The following CD163 variants were observed in gnomAD, a reference collection of about 807,000 sequenced individuals.
The protein encoded by CD163 is CD163 molecule, also known as scavenger receptor cysteine-rich type 1 protein M130.
CD163 carries 64 observed loss-of-function variants against 129.2 expected under a neutral mutation model. The ratio of observed to expected loss-of-function variants is 0.50; its 90% CI spans 0.41 to 0.61. The LOEUF is 0.61. Among genes scored for constraint, CD163 ranks in the 20% least tolerant of loss-of-function variants. CD163 has a pLI of 0.00. For synonymous variants in CD163, 446 were observed against 478.5 expected (o/e 0.93, Z 0.89); for missense variants, 1,061 against 1,377.9 (o/e 0.77, Z 3.64).
intron 6 of CD163, among the ~76,000 whole-genome samples, chr12:7,489,173 G>A (rs943496506): frequency 6.6e-6 from 1 of 152,110 alleles, no homozygotes; most frequent in Admixed American, 6.6e-5. Flanking sequence ...AGCCTAGAAT[G>A]TTGACTTTCA....
rs187879118 is a variant in CD163, at chr12:7,481,312, C to T, written c.3248-56G>A. On this transcript the variant is annotated intron_variant, in intron 14 of 16. Coordinates refer to ENST00000432237, the MANE Select transcript of CD163 (RefSeq NM_203416.4). ...AGCTATCATAATAAAATTTCCCTTGCTGTAAGTGTGTTTTTTCCAAGCGCT... is the reference window on the plus strand; with the variant it reads ...AGCTATCATAATAAAATTTCCCTTGTTGTAAGTGTGTTTTTTCCAAGCGCT... 108 of 1,387,058 alleles carry T rather than the reference C, an allele frequency of 7.8e-5. 1 individual carries two copies. The highest frequency in any genetic ancestry group is 7.8e-4 in the Admixed American group (46 of 59,294). 85.9% of individuals were successfully genotyped at this position (1,387,058 alleles called of 1,614,324 possible). A position where few individuals can be genotyped will look rare whatever the true frequency, so the allele number is the denominator to read the frequency against.
At chr12:7,475,400 T>C (rs909331502) in intron 16 of CD163, among the ~76,000 whole-genome samples, 1 of 152,166 alleles carries the variant, frequency 6.6e-6, no homozygotes, top group Non-Finnish European at 1.5e-5. Flanking sequence ...CACAATCAAG[T>C]TGGCATCATC....
intron 16 of CD163, chr12:7,471,893 A>G (rs1949010784): frequency 6.6e-6 from 1 of 152,264 alleles, no homozygotes; most frequent in Non-Finnish European, 1.5e-5. Context: ...AACTCGGACA[A>G]TCAAGCTTGG....
chr12:7,496,384 T>C lies in CD163; in HGVS notation c.1099+429A>G, dbSNP rs1230912966. Among the ~76,000 whole-genome samples the C allele has an allele frequency of 6.6e-6, 1 of 151,880 alleles. No individual in the cohort carries two copies. Among genetic ancestry groups the C allele is most frequent in the Non-Finnish European group, 1.5e-5 (1 of 67,962 alleles). On this transcript the variant is annotated intron_variant, in intron 5 of 16. Coordinates refer to ENST00000432237, the MANE Select transcript of CD163 (RefSeq NM_203416.4). The surrounding 1 kb of genome is among the most constrained non-coding windows in gnomAD (Gnocchi z 4.8). ...GGACAAATACCTAATGCATGGGGGG[T>C]TAAAACCTAGATGACAGGTTGATAC...
chr12:7,476,297 A>T (rs753823491), intron 16 of CD163, among the ~76,000 whole-genome samples: 1 of 152,348 alleles, frequency 6.6e-6, no homozygotes, highest in Non-Finnish European at 1.5e-5. Context: ...CTAAGCAAAA[A>T]GAACAGAGCT....
At chr12:7,492,141 A>G (rs1949334589) in intron 6 of CD163, among the ~76,000 whole-genome samples, 1 of 152,160 alleles carries the variant, frequency 6.6e-6, no homozygotes, top group Non-Finnish European at 1.5e-5. Context: ...AAAACATGTA[A>G]AAAGCTAAAA....
In CD163 at chr12:7,481,836, G is replaced by A. The variant is rs779768727; in HGVS notation, c.3248-580C>T. On this transcript the variant is annotated intron_variant, in intron 14 of 16. Transcript: ENST00000432237. ...CCTCACACTCAACTTTTCTCCCCCC[G>A]CCCCTCAGGAAAAAAACAAGAAATG... is the stretch of plus-strand genomic sequence containing the variant. 4.7e-5 allele frequency among the ~76,000 whole-genome samples: 7 copies of A among 150,002 alleles called. No individual in the cohort carries two copies. In the East Asian group the frequency reaches 1.2e-3, roughly 25 times the overall value.
At chr12:7,490,189 A>C (rs7953031) in intron 6 of CD163, among the ~76,000 whole-genome samples, 128,909 of 151,858 alleles carry the variant, frequency 0.85, 56,611 homozygotes, top group Non-Finnish European at 0.97. Context: ...GGAGAGAATA[A>C]CATAGATCTA....
chr12:7,502,388 T>C (rs1015475472), intron 2 of CD163, 90 bp downstream of exon 2: 7 of 797,398 alleles, frequency 8.8e-6, no homozygotes, highest in Middle Eastern at 2.2e-4. Context: ...AGTTTTTAGA[T>C]GCTACTTGGC....
chr12:7,492,560 A>G (rs1010590942), intron 6 of CD163, among the ~76,000 whole-genome samples: 2 of 152,136 alleles, frequency 1.3e-5, no homozygotes, highest in African/African-American at 4.8e-5. Context: ...TGCAGAATTT[A>G]TTGGGCAAAG....
rs766299368 is a variant in CD163, at chr12:7,470,921, T to C, written c.*508A>G. 19 of 152,294 alleles carry C rather than the reference T, an allele frequency of 1.2e-4. No individual in the cohort carries two copies. The highest frequency in any genetic ancestry group is 5.8e-4 in the East Asian group (3 of 5,186). The allele number at this position is 152,294 out of a possible 1,614,324, so 9.4% of individuals were successfully genotyped here. Reference sequence around the variant, plus strand: ...GAGTCATGCCTTATAAAGTTAGCCATATATTATTTACAGACCCTTCAATAT... The same window carrying C: ...GAGTCATGCCTTATAAAGTTAGCCACATATTATTTACAGACCCTTCAATAT... On this transcript the variant is annotated 3_prime_UTR_variant, in exon 17 of 17. Transcript: ENST00000432237.
rs1262820481 is a variant in CD163 at position 7,485,549 on chromosome 12, T to C, written c.2459-133A>G. ...AATATGTCAGTTACTAATAATTCGT[T>C]AGTAACTTCTGGATGATTTCATAGA... On this transcript the variant is annotated intron_variant, in intron 10 of 16. Coordinates refer to ENST00000432237, the MANE Select transcript of CD163 (RefSeq NM_203416.4). This position sits in a 1 kb window ranked among gnomAD's most constrained non-coding sequence, Gnocchi z 4.5. 1 of 501,890 alleles carries C rather than the reference T, an allele frequency of 2.0e-6. No individual in the cohort carries two copies. The highest frequency in any genetic ancestry group is 1.9e-5 in the African/African-American group (1 of 51,594). The allele number at this position is 501,890 out of a possible 1,614,324, so 31.1% of individuals were successfully genotyped here. A position where few individuals can be genotyped will look rare whatever the true frequency, so the allele number is the denominator to read the frequency against.
intron 16 of CD163, among the ~76,000 whole-genome samples, chr12:7,476,256 C>A (rs1949085674): frequency 6.6e-6 from 1 of 152,008 alleles, no homozygotes; most frequent in Non-Finnish European, 1.5e-5. Flanking sequence ...TGATATGGAA[C>A]AAAAATAGAG....
chr12:7,496,916 G>A lies in CD163; in HGVS notation c.996C>T (p.Ser332=). Residue 332 remains serine (S), a synonymous_variant, in exon 5 of 17, where the codon AGC becomes AGT. Coordinates refer to ENST00000432237, the MANE Select transcript of CD163 (RefSeq NM_203416.4). This position sits in a 1 kb window ranked among gnomAD's most constrained non-coding sequence, Gnocchi z 4.8. ...SKGFGHIWLD[S]VSCQGHEPAI... is the part of the protein sequence containing the mutation. ...CAGGTTCATGTCCCTGGCAAGAAAC[G>A]CTGTCAAGCCAGATGTGTCCAAATC... 1.9e-6 allele frequency: 3 copies of A among 1,614,016 alleles called. No individual in the cohort carries two copies. Among genetic ancestry groups the A allele is most frequent in the Non-Finnish European group, 2.5e-6 (3 of 1,179,916 alleles).
chr12:7,476,693 T>G lies in CD163; in HGVS notation c.*31+3167A>C, dbSNP rs1223610202. 5.9e-5 allele frequency among the ~76,000 whole-genome samples: 9 copies of G among 152,264 alleles called. No individual in the cohort carries two copies. In the South Asian group the frequency reaches 1.4e-3, roughly 25 times the overall value. On this transcript the variant is annotated intron_variant, in intron 16 of 16. Transcript: ENST00000432237. ...TAGGCATGGGCAAAGACTTCATAAC[T>G]AAAACACCAAAAGCAATGGCAACAA... is the stretch of plus-strand genomic sequence containing the variant.
In CD163 at chr12:7,503,777, T is replaced by C; in HGVS notation, c.-87A>G. The C allele has an allele frequency of 2.5e-6, 2 of 809,202 alleles. No individual in the cohort carries two copies. Among genetic ancestry groups the C allele is most frequent in the African/African-American group, 1.7e-5 (1 of 57,480 alleles). The allele number at this position is 809,202 out of a possible 1,614,324, so 50.1% of individuals were successfully genotyped here. A position where few individuals can be genotyped will look rare whatever the true frequency, so the allele number is the denominator to read the frequency against. On this transcript the variant is annotated 5_prime_UTR_variant, in exon 1 of 17. Transcript: ENST00000432237. ...TTCTAAAGAAAACAACTAAGAATTCTAAAAATCACTTCACTTTCATGAAAA... is the reference window on the plus strand; with the variant it reads ...TTCTAAAGAAAACAACTAAGAATTCCAAAAATCACTTCACTTTCATGAAAA...
intron 6 of CD163, among the ~76,000 whole-genome samples, chr12:7,489,674 T>C (rs1949302019): frequency 6.6e-6 from 1 of 152,042 alleles, no homozygotes; most frequent in Non-Finnish European, 1.5e-5. Flanking sequence ...AGCTAACATG[T>C]ATTTATAGCT....
In CD163 at chr12:7,483,634, G is replaced by A. The variant is rs964444440; in HGVS notation, c.2821C>T (p.Arg941Cys). Reference protein sequence around the residue: ...LQEGPTSCSGRVEIWHGGSWG... With the variant: ...LQEGPTSCSGCVEIWHGGSWG... The stretch of plus-strand genomic sequence containing the variant: ...GAACCTCCATGCCAGATCTCCACAC[G>A]TCCAGAACAGGAAGTGGGTCCTTCC... Residue 941 changes from arginine (R) to cysteine (C), a missense_variant, in exon 12 of 17, where the codon CGT becomes TGT. Arg to Cys is a radical substitution (Grantham distance 180). Coordinates refer to ENST00000432237, the MANE Select transcript of CD163 (RefSeq NM_203416.4). 26 of 1,613,060 alleles carry A rather than the reference G, an allele frequency of 1.6e-5. No homozygotes were observed. Among genetic ancestry groups the A allele is most frequent in the East Asian group, 6.7e-5 (3 of 44,832 alleles).
Position 7,487,219 on chromosome 12 carries a change from A to G in CD163, c.2050+140T>C. 1 of 1,049,234 alleles carries G rather than the reference A, an allele frequency of 9.5e-7. No individual in the cohort carries two copies. Among genetic ancestry groups the G allele is most frequent in the Non-Finnish European group, 1.3e-6 (1 of 743,912 alleles). The allele number at this position is 1,049,234 out of a possible 1,614,324, so 65.0% of individuals were successfully genotyped here. A position where few individuals can be genotyped will look rare whatever the true frequency, so the allele number is the denominator to read the frequency against. On this transcript the variant is annotated intron_variant, in intron 8 of 16. Transcript: ENST00000432237. The surrounding 1 kb of genome is among the most constrained non-coding windows in gnomAD (Gnocchi z 5.1). ...TGCTCACCCTCTGAAAAGACAAATG[A>G]GGTTAATATTCTGAAGCATGAATTA... is the stretch of plus-strand genomic sequence containing the variant.
Sources: allele counts gnomAD v4.1 joint callset (sites outside exome capture counted in the v4.1 genomes callset), GRCh38; gene constraint gnomAD v4.1.1; non-coding constraint Gnocchi (gnomAD v3.1); transcripts MANE v1.5; gene names NCBI Gene and HGNC (gene_info 2026-07-23, HGNC 2026-07-21).